The following LSR variants were observed in gnomAD, a reference collection of about 807,000 sequenced individuals.
LSR encodes the protein lipolysis-stimulated lipoprotein receptor.
LSR carries 44 observed loss-of-function variants against 61.8 expected under a neutral mutation model. That is an observed-to-expected ratio of 0.71 (90% confidence interval 0.56 to 0.91). The LOEUF is 0.91. LSR is among the 40% of genes least tolerant of loss of function. The pLI is 0.00. For missense variants in LSR, 911 were observed against 830.5 expected, an observed-to-expected ratio of 1.10 and a Z score of -1.19; for synonymous variants, 397 against 350.6, an observed-to-expected ratio of 1.13 and a Z score of -1.48.
chr19:35,263,867 C>T (rs2065962981), intron 5 of LSR, among the ~76,000 whole-genome samples: 1 of 151,206 alleles, frequency 6.6e-6, no homozygotes, highest in Non-Finnish European at 1.5e-5. Flanking sequence ...AGTAAAGTGG[C>T]GTGATCTCTG....
intron 3 of LSR, among the ~76,000 whole-genome samples, chr19:35,261,473 C>T (rs890382992): frequency 5.9e-5 from 9 of 152,058 alleles, no homozygotes; most frequent in African/African-American, 1.5e-4. Flanking sequence ...CCTGAGCCCA[C>T]GAGGTTGAAG....
In LSR at chr19:35,267,392, G is replaced by A; in HGVS notation, c.1428G>A (p.Met476Ile). 6.2e-7 allele frequency: 1 copy of A among 1,605,716 alleles called. No homozygotes were observed. Among genetic ancestry groups the A allele is most frequent in the African/African-American group, 1.3e-5 (1 of 74,878 alleles). The change falls in exon 9 of 10, where the codon ATG becomes ATA. Residue 476 changes from methionine to isoleucine, a missense_variant. Physicochemically the swap from Met to Ile is conservative, Grantham distance 10 (BLOSUM62 1). Coordinates refer to ENST00000605618, the MANE Select transcript of LSR (RefSeq NM_205834.4). ...TSNGGRSRAY[M>I]PPRSRSRDDL... Reference sequence around the variant, plus strand: ...ATGGTGGGAGAAGCCGGGCCTACATGCCCCCGCGGAGCCGCAGCCGGGACG... The same window carrying A: ...ATGGTGGGAGAAGCCGGGCCTACATACCCCCGCGGAGCCGCAGCCGGGACG...
rs200067780 is a variant in LSR, at chr19:35,266,943, C to T, written c.1120C>T (p.Pro374Ser). 14 of 1,613,472 alleles carry T rather than the reference C, an allele frequency of 8.7e-6. No individual in the cohort carries two copies. The African/African-American group carries it at 1.7e-4, about 20-fold the overall frequency. The change falls in exon 8 of 10, where the codon CCC (proline) becomes TCC (serine). Residue 374 changes from proline to serine, a missense_variant. Physicochemically the swap from Pro to Ser is moderately conservative, Grantham distance 74. Coordinates refer to ENST00000605618, the MANE Select transcript of LSR (RefSeq NM_205834.4). ...LANFDPSRPG[P>S]PSGRVERAMS... Reference sequence around the variant, plus strand: ...CAACTTCGACCCTTCTCGACCTGGCCCCCCCAGTGGCCGTGTGGAGCGGGG... The same window carrying T: ...CAACTTCGACCCTTCTCGACCTGGCTCCCCCAGTGGCCGTGTGGAGCGGGG...
intron 3 of LSR, among the ~76,000 whole-genome samples, chr19:35,259,617 G>A (rs1293533977): frequency 6.6e-6 from 1 of 150,874 alleles, no homozygotes; most frequent in East Asian, 1.9e-4. Flanking sequence ...CAGCCTGGGC[G>A]ACAGAGTGAG....
At chr19:35,252,036 G>A (rs972895963) in intron 2 of LSR, among the ~76,000 whole-genome samples, 3 of 150,512 alleles carry the variant, frequency 2.0e-5, no homozygotes, top group East Asian at 2.0e-4. Flanking sequence ...GGGTTTCACC[G>A]TTTTAGCCGG....
At chr19:35,254,915 G>A (rs1479119839) in intron 2 of LSR, among the ~76,000 whole-genome samples, 1 of 152,106 alleles carries the variant, frequency 6.6e-6, no homozygotes, top group Non-Finnish European at 1.5e-5. Context: ...GTCCAGCCTC[G>A]GCCTACAAGA....
rs201053883 is a variant in LSR, at chr19:35,266,478, G to A, written c.898G>A (p.Ala300Thr). The change falls in exon 6 of 10, where the codon GCC (alanine) becomes ACC (threonine). Residue 300 changes from alanine to threonine, a missense_variant. Physicochemically the swap from Ala to Thr is moderately conservative, Grantham distance 58. Transcript: ENST00000605618. ...PPPAMIPMGP[A>T]YNGYPGGYPG... ...ACCAGCTATGATTCCCATGGGCCCT[G>A]CCTACAACGGGTACCCTGGAGGATA... 6 of 1,612,712 alleles carry A rather than the reference G, an allele frequency of 3.7e-6. No homozygotes were observed. In the East Asian group the frequency reaches 1.3e-4, roughly 36 times the overall value.
chr19:35,249,262 T>A (rs1218717972), intron 1 of LSR, 131 bp downstream of exon 1: 10 of 1,168,948 alleles, frequency 8.6e-6, no homozygotes, highest in Non-Finnish European at 9.3e-6. Flanking sequence ...CCCCTGGGTC[T>A]TGGGCGATCT....
chr19:35,261,780 A>T (rs905890979), intron 3 of LSR, 145 bp from the exon 4 acceptor site: 6 of 473,882 alleles, frequency 1.3e-5, no homozygotes. Context: ...GGAGGGTAGG[A>T]GCCATGCACT....
Position 35,262,540 on chromosome 19 carries a change from C to G in LSR, c.632-6C>G, listed in dbSNP as rs756049512. ...TCCGGGCTCAGGGCCTGTTGTCTTT[C>G]TGCAGACTGGCTCTTCGTGGTTGTG... is the stretch of plus-strand genomic sequence containing the variant. On this transcript the variant is annotated splice_polypyrimidine_tract_variant and splice_region_variant and intron_variant, in intron 4 of 9. Coordinates refer to ENST00000605618, the MANE Select transcript of LSR (RefSeq NM_205834.4). 12 of 1,614,088 alleles carry G rather than the reference C, an allele frequency of 7.4e-6. No homozygotes were observed. Among genetic ancestry groups the G allele is most frequent in the Admixed American group, 5.0e-5 (3 of 60,008 alleles).
intron 4 of LSR, 89 bp from the exon 5 acceptor site, chr19:35,262,457 G>A (rs534236905): frequency 6.8e-7 from 1 of 1,473,024 alleles, no homozygotes; most frequent in East Asian, 2.3e-5. Context: ...CCCGACCTCA[G>A]TGCTGGCTCC....
At chr19:35,259,293 G>A in intron 3 of LSR, 1 of 460,024 alleles carries the variant, frequency 2.2e-6, no homozygotes, top group Non-Finnish European at 3.8e-6. Context: ...ACTAAGAGAA[G>A]AGTGGAGACA....
intron 3 of LSR, 63 bp from the exon 4 acceptor site, chr19:35,261,862 C>T (rs993487094): frequency 1.5e-5 from 18 of 1,212,470 alleles, no homozygotes; most frequent in Middle Eastern, 2.1e-4. Context: ...GCTGGGCTTT[C>T]GGGGGTGGCA....
chr19:35,261,299 T>A (rs2065925147), intron 3 of LSR, among the ~76,000 whole-genome samples: 1 of 152,078 alleles, frequency 6.6e-6, no homozygotes, highest in Non-Finnish European at 1.5e-5. Flanking sequence ...CCCTTCCTGT[T>A]TTAAAAAAAA....
chr19:35,252,694 CAG>C (rs1383270100), intron 2 of LSR, among the ~76,000 whole-genome samples: 9 of 146,380 alleles, frequency 6.1e-5, no homozygotes, highest in Admixed American at 6.8e-5. Context: ...ATAAGAATGT[CAG>C]AGAGTACTAA....
At chr19:35,266,297 T>C in intron 5 of LSR, 62 bp from the exon 6 acceptor site, 1 of 1,416,344 alleles carries the variant, frequency 7.1e-7, no homozygotes, top group Non-Finnish European at 9.6e-7. Flanking sequence ...CGGAACCCAA[T>C]GGGTATGGGG....
In LSR at chr19:35,250,595, C is replaced by T; in HGVS notation, c.390C>T (p.Thr130=). The T allele has an allele frequency of 6.2e-7, 1 of 1,609,898 alleles. No individual in the cohort carries two copies. Among genetic ancestry groups the T allele is most frequent in the Non-Finnish European group, 8.5e-7 (1 of 1,177,132 alleles). The change falls in exon 2 of 10, where the codon ACC becomes ACT. Residue 130 remains threonine (T), a synonymous_variant. Coordinates refer to ENST00000605618, the MANE Select transcript of LSR (RefSeq NM_205834.4). ...TGCGCACCGTCAGGGTCGTGGCCAC[C>T]AAGCAGGGCAACGCTGTGACCCTGG... The part of the protein sequence containing the change: ...DSVRTVRVVA[T]KQGNAVTLGD...
At chr19:35,266,304 G>A (rs1428691850) in intron 5 of LSR, 55 bp from the exon 6 acceptor site, 1 of 1,471,830 alleles carries the variant, frequency 6.8e-7, no homozygotes, top group Non-Finnish European at 9.2e-7. Flanking sequence ...CAATGGGTAT[G>A]GGGCAGCCTG....
chr19:35,251,897 G>C (rs992269793), intron 2 of LSR, among the ~76,000 whole-genome samples: 5 of 137,460 alleles, frequency 3.6e-5, no homozygotes. Context: ...TGCAGTGGCG[G>C]GATCTCGGCT....
Sources: allele counts gnomAD v4.1 joint callset (sites outside exome capture counted in the v4.1 genomes callset), GRCh38; gene constraint gnomAD v4.1.1; transcripts MANE v1.5; gene names NCBI Gene and HGNC (gene_info 2026-07-23, HGNC 2026-07-21).